AMPH: variants seen among roughly 807,000 people sequenced by gnomAD.
AMPH encodes amphiphysin.
A neutral mutation model predicts 99.1 loss-of-function variants in AMPH; 49 were observed. The observed-to-expected ratio is 0.49, with a 90% confidence interval of 0.39 to 0.63. AMPH has a LOEUF of 0.63. AMPH is among the 20% of genes least tolerant of loss of function. AMPH has a pLI of 0.00. For synonymous variants in AMPH, 314 were observed against 317.3 expected, an observed-to-expected ratio of 0.99 and a Z score of 0.11; for missense variants, 759 against 863.4, an observed-to-expected ratio of 0.88 and a Z score of 1.52.
At chr7:38,570,961 T>C (rs1257017498) in intron 1 of AMPH, among the ~76,000 whole-genome samples, 1 of 88,700 alleles carries the variant, frequency 1.1e-5, no homozygotes, top group East Asian at 2.3e-4. Flanking sequence ...ATATAGAATA[T>C]ATATATAGAA....
chr7:38,567,905 A>C (rs939300561), intron 1 of AMPH, among the ~76,000 whole-genome samples: 4 of 152,204 alleles, frequency 2.6e-5, no homozygotes, highest in African/African-American at 9.6e-5. Context: ...AAAATTAATA[A>C]GGCAGCTGTA....
intron 4 of AMPH, among the ~76,000 whole-genome samples, chr7:38,491,970 A>G (rs1788736793): frequency 6.6e-6 from 1 of 152,196 alleles, no homozygotes; most frequent in Non-Finnish European, 1.5e-5. Context: ...CCCCAGTTAT[A>G]TGAGTTGGCA....
At chr7:38,508,779 C>G (rs1023835857) in intron 2 of AMPH, among the ~76,000 whole-genome samples, 5 of 152,158 alleles carry the variant, frequency 3.3e-5, no homozygotes, top group African/African-American at 1.2e-4. Context: ...GGCTCAATTT[C>G]TCAGAGTTCA....
chr7:38,527,918 C>G (rs934954344), intron 2 of AMPH, among the ~76,000 whole-genome samples: 6 of 152,128 alleles, frequency 3.9e-5, no homozygotes, highest in Admixed American at 3.9e-4. Context: ...AGGTAATTCT[C>G]TTCTATTCGT....
chr7:38,447,553 TC>T (rs1228493480), intron 11 of AMPH, among the ~76,000 whole-genome samples: 6 of 152,156 alleles, frequency 3.9e-5, no homozygotes, highest in African/African-American at 1.4e-4. Context: ...TAGTGATGCA[TC>T]TGTAGGTAGT....
At chr7:38,581,640 T>C (rs1792468452) in intron 1 of AMPH, among the ~76,000 whole-genome samples, 1 of 152,146 alleles carries the variant, frequency 6.6e-6, no homozygotes, top group Non-Finnish European at 1.5e-5. Flanking sequence ...GAAGAGATTC[T>C]AGTGGAGCAA....
intron 1 of AMPH, among the ~76,000 whole-genome samples, chr7:38,569,046 T>C (rs1467038392): frequency 6.6e-6 from 1 of 152,210 alleles, no homozygotes; most frequent in Non-Finnish European, 1.5e-5. Context: ...GCAAAGTCCA[T>C]GCTGTTCAGC....
At chr7:38,520,691 T>C (rs967576012) in intron 2 of AMPH, among the ~76,000 whole-genome samples, 1 of 152,168 alleles carries the variant, frequency 6.6e-6, no homozygotes, top group Non-Finnish European at 1.5e-5. Flanking sequence ...AAAATACCAC[T>C]AGAATATTCC....
At chr7:38,552,413 A>G (rs77477036) in intron 1 of AMPH, among the ~76,000 whole-genome samples, 15,665 of 152,296 alleles carry the variant, frequency 0.1, 1,071 homozygotes, top group Middle Eastern at 0.2. Flanking sequence ...TGCATATTCC[A>G]TAGGAGTAAT....
chr7:38,551,932 G>A (rs1218360999), intron 1 of AMPH, among the ~76,000 whole-genome samples: 7 of 152,170 alleles, frequency 4.6e-5, no homozygotes, highest in Non-Finnish European at 1.0e-4. Flanking sequence ...TTGTAATTTA[G>A]AATATGGAGT....
At chr7:38,416,756 G>A (rs1048511822) in intron 17 of AMPH, among the ~76,000 whole-genome samples, 1 of 152,190 alleles carries the variant, frequency 6.6e-6, no homozygotes, top group African/African-American at 2.4e-5. Flanking sequence ...GAATCTGGGA[G>A]TGGCCCTGGA....
intron 17 of AMPH, among the ~76,000 whole-genome samples, chr7:38,411,685 T>C (rs1351178133): frequency 1.3e-5 from 2 of 152,134 alleles, no homozygotes; most frequent in Non-Finnish European, 2.9e-5. Flanking sequence ...AAGGCTCTTG[T>C]AGGTCTAAAT....
At chr7:38,425,851 TTAAAA>T (rs1293339954) in intron 15 of AMPH, among the ~76,000 whole-genome samples, 2 of 152,182 alleles carry the variant, frequency 1.3e-5, no homozygotes, top group Admixed American at 1.3e-4. Flanking sequence ...GTCTGAAGTT[TTAAAA>T]TAAAAGCCCT....
At chr7:38,470,473 ATT>A (rs755674769) in intron 7 of AMPH, among the ~76,000 whole-genome samples, 8 of 151,976 alleles carry the variant, frequency 5.3e-5, no homozygotes, top group Non-Finnish European at 7.4e-5. Flanking sequence ...GGCACTCCTC[ATT>A]TTTAAAATTC....
In AMPH at chr7:38,417,951, C is replaced by A; in HGVS notation, c.1273-1G>T. On this transcript the variant is annotated splice_acceptor_variant, in intron 16 of 20. Coordinates refer to ENST00000356264, the MANE Select transcript of AMPH (RefSeq NM_001635.4). LOFTEE classifies it high-confidence loss of function. ...TGGGTGGAGCCTGTTCAGATTCAGC[C>A]TTGGAGTGTTTGTTTTGAGGGTTAG... The A allele has an allele frequency of 1.2e-6, 2 of 1,613,214 alleles. No individual in the cohort carries two copies. Among genetic ancestry groups the A allele is most frequent in the Non-Finnish European group, 1.7e-6 (2 of 1,179,656 alleles).
intron 1 of AMPH, among the ~76,000 whole-genome samples, chr7:38,569,320 T>G (rs1215340386): frequency 6.6e-6 from 1 of 151,894 alleles, no homozygotes; most frequent in African/African-American, 2.4e-5. Context: ...TTTACAATCA[T>G]AAAAAGTATT....
intron 1 of AMPH, among the ~76,000 whole-genome samples, chr7:38,546,097 G>A (rs1463202395): frequency 5.3e-5 from 8 of 152,110 alleles, no homozygotes. Flanking sequence ...TGCTCAAGAA[G>A]GAACTCTGAG....
At chr7:38,621,565 T>C (rs1794063908) in intron 1 of AMPH, among the ~76,000 whole-genome samples, 1 of 152,196 alleles carries the variant, frequency 6.6e-6, no homozygotes, top group African/African-American at 2.4e-5. Context: ...TGCATGGGTC[T>C]ATGCATATTT....
At chr7:38,527,390 T>C (rs558713192) in intron 2 of AMPH, among the ~76,000 whole-genome samples, 1 of 152,374 alleles carries the variant, frequency 6.6e-6, no homozygotes, top group Non-Finnish European at 1.5e-5. Context: ...ATGAATATAG[T>C]ACATCTTTCC....
Sources: allele counts gnomAD v4.1 joint callset (sites outside exome capture counted in the v4.1 genomes callset), GRCh38; gene constraint gnomAD v4.1.1; transcripts MANE v1.5; gene names NCBI Gene and HGNC (gene_info 2026-07-23, HGNC 2026-07-21).